The following ZFHX3 variants were observed in gnomAD, a reference collection of about 807,000 sequenced individuals.
The protein encoded by ZFHX3 is zinc finger homeobox protein 3.
ZFHX3 carries 42 observed loss-of-function variants against 279.1 expected under a neutral mutation model. The observed-to-expected ratio is 0.15, with a 90% CI of 0.12 to 0.19. ZFHX3 has a LOEUF of 0.19. Among genes scored for constraint, ZFHX3 ranks in the 10% least tolerant of loss-of-function variants. The pLI, the probability that ZFHX3 is intolerant of heterozygous loss-of-function variation, is 1.00. For synonymous variants in ZFHX3, 2,293 were observed against 1,957.8 expected (o/e 1.17, Z -4.52); for missense variants, 4,981 against 4,754.0 (o/e 1.05, Z -1.40).
At chr16:73,452,441 C>A (rs956361450) in intron 3 of ZFHX3, among the ~76,000 whole-genome samples, 3 of 152,038 alleles carry the variant, frequency 2.0e-5, no homozygotes, top group Non-Finnish European at 4.4e-5. Context: ...TTCTAGCTGG[C>A]AGAAAGACAC....
chr16:73,774,335 G>A (rs535724700), intron 1 of ZFHX3, among the ~76,000 whole-genome samples: 1 of 152,152 alleles, frequency 6.6e-6, no homozygotes, highest in East Asian at 1.9e-4. Context: ...ATGAATGAAG[G>A]CTGAGAGAAA....
intron 2 of ZFHX3, among the ~76,000 whole-genome samples, chr16:73,546,760 T>C (rs181435868): frequency 2.0e-5 from 3 of 150,430 alleles, no homozygotes; most frequent in African/African-American, 4.9e-5. Context: ...GGCTTCTTCT[T>C]CTCCTTTTTT....
At chr16:73,636,744 A>G (rs2052530291) in intron 2 of ZFHX3, among the ~76,000 whole-genome samples, 1 of 152,210 alleles carries the variant, frequency 6.6e-6, no homozygotes, top group Non-Finnish European at 1.5e-5. Flanking sequence ...ACAGTGGAAC[A>G]TAAAGGAAGG....
At chr16:73,888,453 T>C (rs765885720) in intron 1 of ZFHX3, among the ~76,000 whole-genome samples, 4 of 152,140 alleles carry the variant, frequency 2.6e-5, no homozygotes, top group Non-Finnish European at 5.9e-5. Flanking sequence ...ATAATAAAGA[T>C]GGGTGTGGCA....
intron 1 of ZFHX3, among the ~76,000 whole-genome samples, chr16:73,871,649 A>G (rs1454581157): frequency 2.0e-5 from 3 of 152,160 alleles, no homozygotes; most frequent in Non-Finnish European, 2.9e-5. Context: ...ACCTGAAAAG[A>G]TGACATCAAG....
intron 5 of ZFHX3, among the ~76,000 whole-genome samples, chr16:73,202,655 G>A (rs997242466): frequency 4.6e-5 from 7 of 152,136 alleles, no homozygotes; most frequent in African/African-American, 1.7e-4. Context: ...AGCTTTCCAG[G>A]CTCACCTCTC....
intron 8 of ZFHX3, among the ~76,000 whole-genome samples, chr16:73,065,705 A>G (rs1459309726): frequency 1.3e-5 from 2 of 152,038 alleles, no homozygotes; most frequent in African/African-American, 4.8e-5. Flanking sequence ...TTCGCCCCAG[A>G]AAACATCTGC....
chr16:73,270,757 G>A (rs1326214144), intron 4 of ZFHX3, among the ~76,000 whole-genome samples: 1 of 152,164 alleles, frequency 6.6e-6, no homozygotes, highest in African/African-American at 2.4e-5. Context: ...CCCTGGACCA[G>A]AGGCGGATTT....
At chr16:73,513,001 CCCT>C (rs1334520022) in intron 2 of ZFHX3, among the ~76,000 whole-genome samples, 1 of 152,132 alleles carries the variant, frequency 6.6e-6, no homozygotes, top group Non-Finnish European at 1.5e-5. Context: ...GAAGAGGGTT[CCCT>C]AGTTTCAATG....
chr16:73,598,775 G>GT (rs1233801673), intron 2 of ZFHX3, among the ~76,000 whole-genome samples: 1 of 149,526 alleles, frequency 6.7e-6, no homozygotes, highest in Non-Finnish European at 1.5e-5. Flanking sequence ...TTGTTTGTTT[G>GT]TTTTTTGAGA....
intron 3 of ZFHX3, among the ~76,000 whole-genome samples, chr16:72,906,183 G>A (rs1440505824): frequency 1.3e-5 from 2 of 151,860 alleles, no homozygotes; most frequent in African/African-American, 4.8e-5. Flanking sequence ...CCAGCTCCTA[G>A]TGGAATGAGA....
In ZFHX3 at chr16:72,788,257, C is replaced by T. The variant is rs538697151; in HGVS notation, c.10019G>A (p.Gly3340Asp). The change falls in exon 10 of 10, where the codon GGC becomes GAC. Residue 3340 changes from glycine to aspartate, a missense_variant. By Grantham distance (94) the Gly-to-Asp change is moderately conservative. Around this residue, in one of 7 missense-constraint regions of ZFHX3, gnomAD observed 1,034 missense variants for 786.0 expected, o/e 1.32. Transcript: ENST00000268489. ...CAGTGCAGGGCTGTAGGGGAACAGGCCTTCCATGCCATACATAGGCTGCAG... is the reference window on the plus strand; with the variant it reads ...CAGTGCAGGGCTGTAGGGGAACAGGTCTTCCATGCCATACATAGGCTGCAG... ...GYLQPMYGMEGLFPYSPALSQ... is the reference protein window; with the variant it reads ...GYLQPMYGMEDLFPYSPALSQ... The T allele has an allele frequency of 1.2e-5, 19 of 1,614,138 alleles. No individual in the cohort carries two copies. In the Middle Eastern group the frequency reaches 5.0e-4, roughly 42 times the overall value.
chr16:73,852,871 C>A (rs1427615445), intron 1 of ZFHX3, among the ~76,000 whole-genome samples: 1 of 152,128 alleles, frequency 6.6e-6, no homozygotes, highest in African/African-American at 2.4e-5. Context: ...ACAGAGCAAA[C>A]AGACAACAGA....
intron 1 of ZFHX3, among the ~76,000 whole-genome samples, chr16:73,788,508 C>T (rs1959727797): frequency 6.6e-6 from 1 of 152,112 alleles, no homozygotes; most frequent in Non-Finnish European, 1.5e-5. Flanking sequence ...GTTATCATGC[C>T]TCACATCATT....
chr16:72,862,904 T>C (rs769225791), intron 4 of ZFHX3, among the ~76,000 whole-genome samples: 1 of 152,064 alleles, frequency 6.6e-6, no homozygotes, highest in Non-Finnish European at 1.5e-5. Context: ...TCATGTAATG[T>C]GAACACCATG....
chr16:73,775,129 A>C (rs1959218232), intron 1 of ZFHX3, among the ~76,000 whole-genome samples: 1 of 152,196 alleles, frequency 6.6e-6, no homozygotes, highest in Non-Finnish European at 1.5e-5. Flanking sequence ...GTAAATTTTC[A>C]AGGTACTCCT....
rs532268880 is a variant in ZFHX3, at chr16:73,288,732, C to A, written c.-1194+29508G>T. ...CTGCCGCTCTACACAAAAGGCGGCT[C>A]CGAGAGCCAAGATTATGTCTTCAGT... On this transcript the variant is annotated intron_variant, in intron 4 of 17. Transcript: ENST00000641206. 2.6e-5 allele frequency among the ~76,000 whole-genome samples: 4 copies of A among 152,120 alleles called. No individual in the cohort carries two copies. The East Asian group carries it at 7.8e-4, about 29-fold the overall frequency.
Position 72,958,927 on chromosome 16 carries a change from T to A in ZFHX3, c.1219A>T (p.Thr407Ser), listed in dbSNP as rs1567606057. 6.3e-7 allele frequency: 1 copy of A among 1,599,822 alleles called. No individual in the cohort carries two copies. Among genetic ancestry groups the A allele is most frequent in the Non-Finnish European group, 8.5e-7 (1 of 1,172,696 alleles). The change falls in exon 2 of 10, where the codon ACC becomes TCC. Residue 407 changes from threonine (T) to serine (S), a missense_variant. Transcript: ENST00000268489. ...ATGGGGGTCTTCAGTACCGAGCTGGTGAGCCCGCCAAGGTTCAACAGGGTG... is the reference window on the plus strand; with the variant it reads ...ATGGGGGTCTTCAGTACCGAGCTGGAGAGCCCGCCAAGGTTCAACAGGGTG... ...PSTLLNLGGL[T>S]SSVLKTPITS...
At chr16:73,648,174 G>C (rs2052637878) in intron 2 of ZFHX3, among the ~76,000 whole-genome samples, 1 of 152,118 alleles carries the variant, frequency 6.6e-6, no homozygotes, top group Non-Finnish European at 1.5e-5. Flanking sequence ...TTGAGCAAAT[G>C]TGCAGGATAT....
Sources: allele counts gnomAD v4.1 joint callset (sites outside exome capture counted in the v4.1 genomes callset), GRCh38; gene constraint gnomAD v4.1.1; regional missense constraint gnomAD v4.1.1; transcripts MANE v1.5; gene names NCBI Gene and HGNC (gene_info 2026-07-23, HGNC 2026-07-21).